Variants in KSR1 observed in about 807,000 individuals in gnomAD.
KSR1 encodes kinase suppressor of ras.
A neutral mutation model predicts 92.9 loss-of-function variants in KSR1; 35 were observed. The ratio of observed to expected loss-of-function variants is 0.38; its 90% CI spans 0.29 to 0.50. KSR1 has a LOEUF of 0.50. KSR1 is among the 20% of genes least tolerant of loss of function. The pLI is 0.94. For synonymous variants in KSR1, 467 were observed against 472.6 expected, an observed-to-expected ratio of 0.99 and a Z score of 0.15; for missense variants, 972 against 1,158.5, an observed-to-expected ratio of 0.84 and a Z score of 2.34.
chr17:27,488,628 T>A (rs1387140870), intron 1 of KSR1, among the ~76,000 whole-genome samples: 1 of 152,110 alleles, frequency 6.6e-6, no homozygotes, highest in Non-Finnish European at 1.5e-5. Context: ...GTCTAGGAGT[T>A]AGAGACCAGC....
chr17:27,549,327 G>A (rs556751825), intron 1 of KSR1, among the ~76,000 whole-genome samples: 80 of 152,306 alleles, frequency 5.3e-4, no homozygotes, highest in South Asian at 3.3e-3. Context: ...TCACTTGGCC[G>A]TAGCCAAGCC....
At chr17:27,504,509 C>T (rs532482696) in intron 1 of KSR1, among the ~76,000 whole-genome samples, 7 of 152,088 alleles carry the variant, frequency 4.6e-5, no homozygotes, top group South Asian at 2.1e-4. Flanking sequence ...CTGAGGAGGC[C>T]GGCAGAGACC....
chr17:27,552,704 G>A (rs183911094), intron 2 of KSR1, among the ~76,000 whole-genome samples: 279 of 152,304 alleles, frequency 1.8e-3, no homozygotes, highest in Middle Eastern at 6.8e-3. Flanking sequence ...CCATGCCAAC[G>A]TCCTTTTCAT....
At chr17:27,620,150 C>T (rs551647171) in intron 19 of KSR1, among the ~76,000 whole-genome samples, 2 of 152,348 alleles carry the variant, frequency 1.3e-5, no homozygotes, top group South Asian at 4.1e-4. Flanking sequence ...GGAGGAACGA[C>T]TGTGTGGGGT....
intron 13 of KSR1, 124 bp from the exon 14 acceptor site, chr17:27,605,310 C>T: frequency 7.7e-7 from 1 of 1,304,964 alleles, no homozygotes; most frequent in African/African-American, 1.5e-5. Context: ...GCTGCAACTA[C>T]AACCTGGGTC....
chr17:27,621,909 T>C lies in KSR1; in HGVS notation c.2708+636T>C, dbSNP rs769932654. 3 of 1,613,562 alleles carry C rather than the reference T, an allele frequency of 1.9e-6. No homozygotes were observed. The Admixed American group carries it at 5.0e-5, about 27-fold the overall frequency. On this transcript the variant is annotated intron_variant, in intron 20 of 20. Coordinates refer to ENST00000644974, the MANE Select transcript of KSR1 (RefSeq NM_001394583.1). ...ATGATTCTGATGCTGTTCTTTGCTT[T>C]CTTCTCTTTCCCTCTGTAGGTTGTA...
chr17:27,611,739 T>C (rs2073923744), intron 18 of KSR1, 110 bp downstream of exon 18: 1 of 1,274,192 alleles, frequency 7.8e-7, no homozygotes, highest in Non-Finnish European at 1.1e-6. Context: ...TGAGGAGCTC[T>C]GCCACCTGCA....
At chr17:27,613,155 G>A (rs1306277357) in intron 18 of KSR1, 1 of 152,310 alleles carries the variant, frequency 6.6e-6, no homozygotes, top group Non-Finnish European at 1.5e-5. Flanking sequence ...CTGGGGTGCT[G>A]GGCAAGGGCC....
chr17:27,485,027 C>T (rs2068623844), intron 1 of KSR1, among the ~76,000 whole-genome samples: 2 of 152,190 alleles, frequency 1.3e-5, no homozygotes, highest in Admixed American at 1.3e-4. Context: ...AAGACAGTTT[C>T]CCCAAGAGGG....
intron 2 of KSR1, among the ~76,000 whole-genome samples, chr17:27,568,269 C>G (rs1236222150): frequency 6.6e-6 from 1 of 152,228 alleles, no homozygotes; most frequent in Non-Finnish European, 1.5e-5. Context: ...GGCTCACTTG[C>G]TGTGGCCTGG....
rs2072536192 is a variant in KSR1 at position 27,577,050 on chromosome 17, T to G, written c.373-442T>G. The stretch of plus-strand genomic sequence containing the variant: ...GCAGTGTTTGGTGAGGTTTTTTTGT[T>G]TTTTTTTTTTAAATCCTTCCTTTCT... On this transcript the variant is annotated intron_variant, in intron 2 of 20. Coordinates refer to ENST00000644974, the MANE Select transcript of KSR1 (RefSeq NM_001394583.1). This position sits in a 1 kb window ranked among gnomAD's most constrained non-coding sequence, Gnocchi z 4.5. Among the ~76,000 whole-genome samples the G allele has an allele frequency of 6.7e-6, 1 of 150,246 alleles. No individual in the cohort carries two copies. The highest frequency in any genetic ancestry group is 1.5e-5 in the Non-Finnish European group (1 of 67,474).
chr17:27,526,030 T>TC (rs2151030394), intron 1 of KSR1, among the ~76,000 whole-genome samples: 199 of 98,702 alleles, frequency 2.0e-3, no homozygotes, highest in Admixed American at 5.2e-3. Context: ...TTCTTTTCTT[T>TC]TCTTTTCTTT....
rs180862697 is a variant in KSR1 at position 27,527,675 on chromosome 17, G to A, written c.232-22893G>A. 1.8e-3 allele frequency among the ~76,000 whole-genome samples: 272 copies of A among 152,264 alleles called. 6 individuals are homozygous for A. The East Asian group carries it at 0.039, about 22-fold the overall frequency. On this transcript the variant is annotated intron_variant, in intron 1 of 20. Coordinates refer to ENST00000644974, the MANE Select transcript of KSR1 (RefSeq NM_001394583.1). ...CTCGCAAAGTGCTGGGATTACAGGC[G>A]TGAGCCATGCCCGGCCTGACTTCTT... is the stretch of plus-strand genomic sequence containing the variant.
chr17:27,471,782 A>G (rs1394035324), intron 1 of KSR1, among the ~76,000 whole-genome samples: 1 of 152,176 alleles, frequency 6.6e-6, no homozygotes, highest in African/African-American at 2.4e-5. Context: ...AAGCCAGCTT[A>G]GTGGGGGAGT....
chr17:27,570,825 G>A (rs912266622), intron 2 of KSR1, among the ~76,000 whole-genome samples: 2 of 152,124 alleles, frequency 1.3e-5, no homozygotes, highest in Non-Finnish European at 2.9e-5. Context: ...GGGCCCCAAC[G>A]CCTGTCTGCC....
At chr17:27,489,873 A>C (rs532954630) in intron 1 of KSR1, among the ~76,000 whole-genome samples, 2 of 152,330 alleles carry the variant, frequency 1.3e-5, no homozygotes, top group East Asian at 1.9e-4. Flanking sequence ...AAGGAGGGGC[A>C]GCTGCGTTCT....
intron 4 of KSR1, among the ~76,000 whole-genome samples, chr17:27,585,407 G>A (rs542161039): frequency 5.9e-5 from 9 of 152,228 alleles, no homozygotes; most frequent in Admixed American, 4.6e-4. Context: ...ATGTATTAAA[G>A]TGCACAGCAC....
At chr17:27,576,309 A>AAT (rs987840682) in intron 2 of KSR1, among the ~76,000 whole-genome samples, 24 of 151,572 alleles carry the variant, frequency 1.6e-4, no homozygotes, top group Admixed American at 4.6e-4. Flanking sequence ...GATAGTACTG[A>AAT]ATATATATAT....
intron 1 of KSR1, among the ~76,000 whole-genome samples, chr17:27,532,237 T>C (rs981048172): frequency 6.6e-6 from 1 of 152,208 alleles, no homozygotes; most frequent in African/African-American, 2.4e-5. Flanking sequence ...ATGGGGCCAA[T>C]TGCAAAGGTC....
Sources: gnomAD v4.1 joint callset for allele counts (sites outside exome capture counted in the v4.1 genomes callset) on GRCh38, gnomAD v4.1.1 for gene constraint, Gnocchi (gnomAD v3.1) non-coding constraint, MANE v1.5 for transcripts, NCBI Gene and HGNC (gene_info 2026-07-23, HGNC 2026-07-21) for gene names.